Variants in HEATR4 observed in about 807,000 individuals in gnomAD.
The protein encoded by HEATR4 is HEAT repeat containing 4.
HEATR4 carries 95 observed loss-of-function variants against 108.8 expected under a neutral mutation model. The ratio of observed to expected loss-of-function variants is 0.87; its 90% CI spans 0.74 to 1.04. HEATR4 has a LOEUF of 1.04. Ranked by LOEUF, HEATR4 falls within the 50% of genes least tolerant of loss-of-function variation. The pLI is 0.00. For synonymous variants in HEATR4, 443 were observed against 459.4 expected (o/e 0.96, Z 0.46); for missense variants, 1,152 against 1,253.8 (o/e 0.92, Z 1.23).
At chr14:73,559,998 T>C (rs1291903550), upstream of HEATR4, among the ~76,000 whole-genome samples, 1 of 152,134 alleles carries the variant, frequency 6.6e-6, no homozygotes, top group African/African-American at 2.4e-5. Context: ...CCCTGATCTC[T>C]AAATCCTGGC....
At chr14:73,600,880 T>C in the HEATR4 span, among the ~76,000 whole-genome samples, 1 of 152,150 alleles carries the variant, frequency 6.6e-6, no homozygotes, top group African/African-American at 2.4e-5. Context: ...GGCTCACGCC[T>C]GTAGTCCCAG....
chr14:73,487,214 T>C (rs540635496), intron 17 of HEATR4, among the ~76,000 whole-genome samples: 1 of 147,242 alleles, frequency 6.8e-6, no homozygotes, highest in East Asian at 2.3e-4. Context: ...AGGTAAGCAA[T>C]GCTTAAAAAT....
chr14:73,569,980 C>T, the HEATR4 span: 5 of 1,457,582 alleles, frequency 3.4e-6, no homozygotes, highest in South Asian at 5.6e-5. Context: ...GCCCCCCCGC[C>T]GCGCCCCCGG....
chr14:73,582,324 T>C, the HEATR4 span: 3 of 151,158 alleles, frequency 2.0e-5, no homozygotes, highest in South Asian at 6.2e-4. Flanking sequence ...TCACTGCTCA[T>C]AGATAACAAC....
chr14:73,558,250 C>T (rs1889432820), intron 1 of HEATR4, among the ~76,000 whole-genome samples: 1 of 139,736 alleles, frequency 7.2e-6, no homozygotes, highest in Non-Finnish European at 1.6e-5. Context: ...AAAAGTTCCC[C>T]TCATTTTTTC....
At chr14:73,572,917 G>A in the HEATR4 span, among the ~76,000 whole-genome samples, 150,103 of 151,006 alleles carry the variant, frequency 0.99, 74,618 homozygotes, top group East Asian at 1. Flanking sequence ...AAGTGCTGGG[G>A]TTACAGGCGT....
intron 17 of HEATR4, among the ~76,000 whole-genome samples, chr14:73,489,779 A>T (rs754957439): frequency 6.6e-6 from 1 of 152,246 alleles, no homozygotes; most frequent in African/African-American, 2.4e-5. Flanking sequence ...GGAAGGGCAG[A>T]TATCAAGAAT....
chr14:73,612,919 C>T, the HEATR4 span: 60 of 1,352,810 alleles, frequency 4.4e-5, no homozygotes, highest in East Asian at 1.1e-3. Context: ...ACACCGAGCC[C>T]GGGCGGCTGC....
chr14:73,506,233 A>C (rs530817222), intron 10 of HEATR4, among the ~76,000 whole-genome samples: 4 of 152,092 alleles, frequency 2.6e-5, no homozygotes, highest in Admixed American at 6.6e-5. Flanking sequence ...GTGCTATTTC[A>C]TTGTGGATCA....
chr14:73,598,052 T>A, the HEATR4 span, among the ~76,000 whole-genome samples: 1 of 150,680 alleles, frequency 6.6e-6, no homozygotes, highest in Non-Finnish European at 1.5e-5. Flanking sequence ...AACATAGCTG[T>A]AAATTCATTG....
In HEATR4 at chr14:73,498,324, C is replaced by T. The variant is rs1886224311; in HGVS notation, c.2377G>A (p.Val793Ile). ...AIRALGQIGQ[V>I]SPELTDLLLW... is the part of the protein sequence containing the mutation. ...AGAAGATCCGTCAGCTCGGGACTTA[C>T]TTGCCCAATCTGTCCCAAAGCTGCA... is the stretch of plus-strand genomic sequence containing the variant. Residue 793 changes from valine to isoleucine, a missense_variant, in exon 14 of 18, where the codon GTA becomes ATA. Coordinates refer to ENST00000553558, the MANE Select transcript of HEATR4 (RefSeq NM_001220484.1). 1 of 1,605,042 alleles carries T rather than the reference C, an allele frequency of 6.2e-7. No individual in the cohort carries two copies. Among genetic ancestry groups the T allele is most frequent in the African/African-American group, 1.3e-5 (1 of 74,782 alleles).
the HEATR4 span, among the ~76,000 whole-genome samples, chr14:73,586,892 A>G: frequency 0.011 from 1,655 of 151,942 alleles, 30 homozygotes; most frequent in African/African-American, 0.038. Flanking sequence ...TTTTGTAGAG[A>G]TGGAGTCTTG....
At chr14:73,578,482 G>C in the HEATR4 span, among the ~76,000 whole-genome samples, 15 of 152,014 alleles carry the variant, frequency 9.9e-5, 1 homozygote, top group Non-Finnish European at 2.2e-4. Flanking sequence ...GTCCATCTTG[G>C]CGTACCACAC....
chr14:73,478,694 G>C lies in HEATR4; in HGVS notation c.2993C>G (p.Pro998Arg), dbSNP rs150958075. ...IAVGPFRSDY[P>R]ALYLGKFSER... is the part of the protein sequence containing the mutation. The stretch of plus-strand genomic sequence containing the variant: ...TGAGAATTTACCCAGATAAAGAGCT[G>C]GGTAGTCGGATCTAAATGGTCCCAC... Residue 998 changes from proline (P) to arginine (R), a missense_variant, in exon 18 of 18, where the codon CCA (proline) becomes CGA (arginine). Physicochemically the swap from Pro to Arg is moderately radical, Grantham distance 103. Coordinates refer to ENST00000553558, the MANE Select transcript of HEATR4 (RefSeq NM_001220484.1). 16 of 1,613,820 alleles carry C rather than the reference G, an allele frequency of 9.9e-6. No individual in the cohort carries two copies. The African/African-American group carries it at 1.6e-4, about 16-fold the overall frequency.
At chr14:73,535,462 CTTCTTTCTTTTTTTTTTTTTTTTT>C (rs1888826642) in intron 1 of HEATR4, among the ~76,000 whole-genome samples, 3 of 59,332 alleles carry the variant, frequency 5.1e-5, no homozygotes, top group Admixed American at 2.5e-4. Context: ...TTTTCTTTTT[CTTCTTTCTTTTTTTTTTTTTTTTT>C]TTTTTTTTTT....
the HEATR4 span, chr14:73,573,561 G>A: frequency 2.5e-6 from 4 of 1,613,692 alleles, no homozygotes; most frequent in Non-Finnish European, 3.4e-6. Context: ...CTTTGAAGAA[G>A]CCATGAACTA....
the HEATR4 span, chr14:73,568,993 C>T: frequency 1.9e-6 from 1 of 531,736 alleles, no homozygotes; most frequent in Non-Finnish European, 3.3e-6. Context: ...CTGGAGACTG[C>T]TAGCTGCCTG....
chr14:73,498,627 G>A (rs1355816097), intron 13 of HEATR4, among the ~76,000 whole-genome samples: 1 of 152,158 alleles, frequency 6.6e-6, no homozygotes, highest in African/African-American at 2.4e-5. Context: ...GGGGAAAGGA[G>A]GCACAATTAT....
At chr14:73,588,061 G>T in the HEATR4 span, among the ~76,000 whole-genome samples, 1 of 151,234 alleles carries the variant, frequency 6.6e-6, no homozygotes, top group Non-Finnish European at 1.5e-5. Flanking sequence ...GAGTGCAATG[G>T]CACAATCTCG....
Sources: allele counts gnomAD v4.1 joint callset (sites outside exome capture counted in the v4.1 genomes callset), GRCh38; gene constraint gnomAD v4.1.1; transcripts MANE v1.5; gene names NCBI Gene and HGNC (gene_info 2026-07-23, HGNC 2026-07-21).